The following TMEM82 variants were observed in gnomAD, a reference collection of about 807,000 sequenced individuals.
TMEM82 encodes transmembrane protein 82.
A neutral mutation model predicts 29.2 loss-of-function variants in TMEM82; 30 were observed. The observed-to-expected ratio is 1.03, with a 90% CI of 0.77 to 1.39. The LOEUF (loss-of-function observed/expected upper bound fraction) is 1.39, where lower values mean the gene tolerates loss of function less well. Among genes scored for constraint, TMEM82 ranks in the 40% most tolerant of loss-of-function variants. TMEM82 has a pLI of 0.00. For synonymous variants in TMEM82, 221 were observed against 225.4 expected (o/e 0.98, Z 0.18); for missense variants, 442 against 447.7 (o/e 0.99, Z 0.12).
chr1:15,746,582 G>A (rs543763411), intron 4 of TMEM82, among the ~76,000 whole-genome samples: 5 of 152,110 alleles, frequency 3.3e-5, no homozygotes, highest in African/African-American at 1.2e-4. Flanking sequence ...AGAGGCGGGT[G>A]TGCGGAAAAG....
chr1:15,742,955 G>A (rs1225400387), intron 2 of TMEM82, 48 bp downstream of exon 2: 1 of 1,607,532 alleles, frequency 6.2e-7, no homozygotes, highest in Non-Finnish European at 8.5e-7. Flanking sequence ...GGGGCACGGG[G>A]ACCCCCACCA....
chr1:15,745,531 GAA>G (rs2068327579), intron 4 of TMEM82, among the ~76,000 whole-genome samples: 1 of 115,746 alleles, frequency 8.6e-6, no homozygotes, highest in Non-Finnish European at 1.7e-5. Flanking sequence ...AAGAAAGAGA[GAA>G]AGAGAGAGAG....
intron 5 of TMEM82, 65 bp downstream of exon 5, chr1:15,747,119 CA>C: frequency 1.3e-6 from 2 of 1,529,476 alleles, no homozygotes; most frequent in East Asian, 4.6e-5. Flanking sequence ...CCAGGAGCCT[CA>C]AGAGGCTCAA....
rs922590615 is a variant in TMEM82, at chr1:15,747,701, G to C, written c.*69G>C. ...CTGATCTCCGAGGCCTTGACCCCAG[G>C]GCGATGCCTGGAGGCAGAGTGGCAG... On this transcript the variant is annotated 3_prime_UTR_variant, in exon 6 of 6. Transcript: ENST00000375782. 1 of 1,405,364 alleles carries C rather than the reference G, an allele frequency of 7.1e-7. No homozygotes were observed. The highest frequency in any genetic ancestry group is 1.4e-5 in the African/African-American group (1 of 70,198). 87.1% of individuals were successfully genotyped at this position (1,405,364 alleles called of 1,614,324 possible).
intron 4 of TMEM82, 27 bp from the exon 5 acceptor site, chr1:15,746,840 A>C (rs2068339507): frequency 9.8e-6 from 15 of 1,537,164 alleles, no homozygotes; most frequent in Admixed American, 1.9e-5. Context: ...GTGTGGTCGG[A>C]CGGTGACAGG....
At chr1:15,743,235 C>T (rs771828880) in intron 3 of TMEM82, 41 bp downstream of exon 3, 2 of 1,574,058 alleles carry the variant, frequency 1.3e-6, no homozygotes, top group Admixed American at 1.8e-5. Flanking sequence ...CACTCCCCAG[C>T]CCAGGGCCCG....
In TMEM82 at chr1:15,743,208, GAAGGC is replaced by G. The variant is rs1557671916; in HGVS notation, c.336+16_336+20del. 2 of 1,600,770 alleles carry G rather than the reference GAAGGC, an allele frequency of 1.2e-6. No homozygotes were observed. Among genetic ancestry groups the G allele is most frequent in the Non-Finnish European group, 1.7e-6 (2 of 1,178,278 alleles). ...TCCCTGGGCAAGGTGAGGCCTCCGG[GAAGGC>G]AGTGGGTGGATCACTCCCCAGCCCA... On this transcript the variant is annotated intron_variant, in intron 3 of 5. Coordinates refer to ENST00000375782, the MANE Select transcript of TMEM82 (RefSeq NM_001013641.3).
In TMEM82 at chr1:15,744,654, G is replaced by C. The variant is rs7533907; in HGVS notation, c.757+74G>C. On this transcript the variant is annotated intron_variant, in intron 4 of 5. Coordinates refer to ENST00000375782, the MANE Select transcript of TMEM82 (RefSeq NM_001013641.3). This position sits in a 1 kb window ranked among gnomAD's most constrained non-coding sequence, Gnocchi z 5.2. ...CTGGGTCAGGCTCCGGGGAGGCCGA[G>C]AGCCATCAGCCCTCACTCTTGCCAT... 0.082 allele frequency: 120,340 copies of C among 1,469,266 alleles called. 5,951 individuals carry two copies. The highest frequency in any genetic ancestry group is 0.22 in the African/African-American group (15,921 of 71,308). 91.0% of individuals were successfully genotyped at this position (1,469,266 alleles called of 1,614,324 possible). A position where few individuals can be genotyped will look rare whatever the true frequency, so the allele number is the denominator to read the frequency against.
rs561196072 is a variant in TMEM82, at chr1:15,744,830, T to G, written c.757+250T>G. ...AGAAGCGAGGCAGGGAACAGAATCTTGGACAGAGAGAACCGCATGTGCCAA... is the reference window on the plus strand; with the variant it reads ...AGAAGCGAGGCAGGGAACAGAATCTGGGACAGAGAGAACCGCATGTGCCAA... On this transcript the variant is annotated intron_variant, in intron 4 of 5. Transcript: ENST00000375782. This position sits in a 1 kb window ranked among gnomAD's most constrained non-coding sequence, Gnocchi z 5.2. Among the ~76,000 whole-genome samples the G allele has an allele frequency of 4.1e-4, 63 of 152,232 alleles. No individual in the cohort carries two copies. The highest frequency in any genetic ancestry group is 3.4e-3 in the Middle Eastern group (1 of 294).
intron 5 of TMEM82, 121 bp downstream of exon 5, chr1:15,747,175 C>T: frequency 9.4e-7 from 1 of 1,065,338 alleles, no homozygotes; most frequent in Non-Finnish European, 1.3e-6. Context: ...ACCTGTAATC[C>T]CAAATACTCA....
chr1:15,746,994 A>G lies in TMEM82; in HGVS notation c.885A>G (p.Leu295=). The G allele has an allele frequency of 6.2e-7, 1 of 1,611,920 alleles. No individual in the cohort carries two copies. The highest frequency in any genetic ancestry group is 8.5e-7 in the Non-Finnish European group (1 of 1,179,838). The change falls in exon 5 of 6, where the codon CTA becomes CTG. Residue 295 remains leucine, a synonymous_variant. Coordinates refer to ENST00000375782, the MANE Select transcript of TMEM82 (RefSeq NM_001013641.3). ...ACCTGCTGGGCATCCTTGTCTCCCT[A>G]CTGGGCGAGCTCTGGTGTCTCGTGG... ...WLDLLGILVS[L]LGELWCLVGV... is the part of the protein sequence containing the mutation.
At chr1:15,742,971 C>A in intron 2 of TMEM82, 49 bp from the exon 3 acceptor site, 1 of 1,604,322 alleles carries the variant, frequency 6.2e-7, no homozygotes, top group Non-Finnish European at 8.5e-7. Context: ...CACCAGGGGT[C>A]GAAGGTGGCA....
chr1:15,742,974 A>T, intron 2 of TMEM82, 46 bp from the exon 3 acceptor site: 1 of 1,604,388 alleles, frequency 6.2e-7, no homozygotes, highest in Non-Finnish European at 8.5e-7. Flanking sequence ...CAGGGGTCGA[A>T]GGTGGCAGTT....
chr1:15,742,730 TC>T (rs1354796993), intron 1 of TMEM82, 83 bp downstream of exon 1: 1 of 1,513,386 alleles, frequency 6.6e-7, no homozygotes, highest in Non-Finnish European at 9.0e-7. Flanking sequence ...CCACCTGGTC[TC>T]CCGACACCCC....
rs562576263 is a variant in TMEM82 at position 15,743,147 on chromosome 1, C to T, written c.289C>T (p.Leu97Phe). 3.1e-6 allele frequency: 5 copies of T among 1,611,438 alleles called. No homozygotes were observed. In the African/African-American group the frequency reaches 4.0e-5, roughly 13 times the overall value. ...VGSRVAALVVLEFSLRAVSTL... is the reference protein window; with the variant it reads ...VGSRVAALVVFEFSLRAVSTL... ...GTCCCGGGTGGCTGCCCTCGTGGTG[C>T]TCGAGTTCTCCCTCCGGGCCGTGTC... The change falls in exon 3 of 6, where the codon CTC becomes TTC. Residue 97 changes from leucine (L) to phenylalanine (F), a missense_variant. Physicochemically the swap from Leu to Phe is conservative, Grantham distance 22 (BLOSUM62 0). Transcript: ENST00000375782.
In TMEM82 at chr1:15,742,522, AGACCTGGCCGGAGGCTGG is replaced by A. The variant is rs537511856; in HGVS notation, c.-36_-19del. ...CAGTGACGTTGGTCTGTCCTTACGC[AGACCTGGCCGGAGGCTGG>A]GGCTCCTTCCGGGGCTGCCATGTTC... On this transcript the variant is annotated 5_prime_UTR_variant, in exon 1 of 6. Coordinates refer to ENST00000375782, the MANE Select transcript of TMEM82 (RefSeq NM_001013641.3). The A allele has an allele frequency of 1.6e-4, 242 of 1,521,404 alleles. No individual in the cohort carries two copies. In the East Asian group the frequency reaches 5.4e-3, roughly 34 times the overall value. The allele number at this position is 1,521,404 out of a possible 1,614,324, so 94.2% of individuals were successfully genotyped here. A position where few individuals can be genotyped will look rare whatever the true frequency, so the allele number is the denominator to read the frequency against.
Position 15,744,490 on chromosome 1 carries a change from A to G in TMEM82, c.667A>G (p.Ile223Val), listed in dbSNP as rs770346850. The G allele has an allele frequency of 7.4e-6, 12 of 1,612,030 alleles. No individual in the cohort carries two copies. The change falls in exon 4 of 6, where the codon ATC becomes GTC. Residue 223 changes from isoleucine to valine, a missense_variant. By Grantham distance (29) the Ile-to-Val change is conservative. Coordinates refer to ENST00000375782, the MANE Select transcript of TMEM82 (RefSeq NM_001013641.3). This position sits in a 1 kb window ranked among gnomAD's most constrained non-coding sequence, Gnocchi z 5.2. ...AVGDLAAVAL[I>V]NQDFLTTSEA... Reference sequence around the variant, plus strand: ...GGGTGACCTGGCAGCTGTGGCCCTCATCAACCAGGACTTCCTGACCACCTC... The same window carrying G: ...GGGTGACCTGGCAGCTGTGGCCCTCGTCAACCAGGACTTCCTGACCACCTC...
At position 15,744,423 on chromosome 1, in the gene TMEM82, C is replaced by G; in HGVS notation, c.600C>G (p.Leu200=). 3 of 1,590,732 alleles carry G rather than the reference C, an allele frequency of 1.9e-6. No homozygotes were observed. The highest frequency in any genetic ancestry group is 2.6e-6 in the Non-Finnish European group (3 of 1,169,450). The change falls in exon 4 of 6, where the codon CTC becomes CTG. Residue 200 remains leucine (L), a synonymous_variant. Coordinates refer to ENST00000375782, the MANE Select transcript of TMEM82 (RefSeq NM_001013641.3). This position sits in a 1 kb window ranked among gnomAD's most constrained non-coding sequence, Gnocchi z 5.2. The part of the protein sequence containing the change: ...CLGLLAHAHG[L]PQLLGRALAI... ...GCCTGCTGGCCCATGCACATGGCCT[C>G]CCCCAGCTGCTGGGCCGTGCCCTGG... is the stretch of plus-strand genomic sequence containing the variant.
chr1:15,743,381 T>C (rs996050188), intron 3 of TMEM82, among the ~76,000 whole-genome samples, 187 bp downstream of exon 3: 26 of 152,240 alleles, frequency 1.7e-4, no homozygotes. Context: ...ACACTCACAG[T>C]GGACACAGTC....
Sources: gnomAD v4.1 joint callset for allele counts (sites outside exome capture counted in the v4.1 genomes callset) on GRCh38, gnomAD v4.1.1 for gene constraint, Gnocchi (gnomAD v3.1) non-coding constraint, MANE v1.5 for transcripts, NCBI Gene and HGNC (gene_info 2026-07-23, HGNC 2026-07-21) for gene names.